Variants in ACTR3B observed in about 807,000 individuals in gnomAD.
The protein encoded by ACTR3B is actin-related protein 3B.
A neutral mutation model predicts 59.0 loss-of-function variants in ACTR3B; 8 were observed. That is an observed-to-expected ratio of 0.14 (90% confidence interval 0.08 to 0.24). ACTR3B has a LOEUF of 0.24. ACTR3B is among the 10% of genes least tolerant of loss of function. ACTR3B has a pLI of 1.00. For synonymous variants in ACTR3B, 148 were observed against 197.9 expected (o/e 0.75, Z 2.12); for missense variants, 245 against 552.3 (o/e 0.44, Z 5.58).
Position 152,759,801 on chromosome 7 carries a change from C to A in ACTR3B, c.-82C>A, listed in dbSNP as rs957287571. On this transcript the variant is annotated 5_prime_UTR_variant, in exon 1 of 12. Transcript: ENST00000256001. ...GCGGCGGCTCGCGGGAGACGCTGCG[C>A]GCGGGGCTAGCGGGCGGCGGAGCGG... 9.2e-6 allele frequency: 10 copies of A among 1,084,690 alleles called. No individual in the cohort carries two copies. Among genetic ancestry groups the A allele is most frequent in the African/African-American group, 3.3e-5 (2 of 60,084 alleles). 67.2% of individuals were successfully genotyped at this position (1,084,690 alleles called of 1,614,324 possible).
chr7:152,834,513 A>G (rs1797289485), intron 9 of ACTR3B, among the ~76,000 whole-genome samples: 2 of 152,376 alleles, frequency 1.3e-5, no homozygotes, highest in Admixed American at 6.5e-5. Flanking sequence ...GTAAATAGGT[A>G]GATAGATATG....
intron 7 of ACTR3B, among the ~76,000 whole-genome samples, chr7:152,821,473 A>G (rs1207051562): frequency 7.1e-5 from 9 of 126,120 alleles, no homozygotes; most frequent in African/African-American, 2.5e-4. Context: ...TTCAAAAAAG[A>G]AAAAAAAAAA....
At chr7:152,793,782 T>TA in intron 2 of ACTR3B, among the ~76,000 whole-genome samples, 1 of 151,938 alleles carries the variant, frequency 6.6e-6, no homozygotes, top group South Asian at 2.1e-4. Context: ...GGTATTATGT[T>TA]ATGAGGTTCT....
chr7:152,810,500 A>C (rs1280004215), intron 4 of ACTR3B, among the ~76,000 whole-genome samples: 1 of 150,668 alleles, frequency 6.6e-6, no homozygotes, highest in Non-Finnish European at 1.5e-5. Flanking sequence ...AGGTGCAGTC[A>C]TACAGCCACT....
chr7:152,784,386 G>T (rs1430141353), intron 2 of ACTR3B, among the ~76,000 whole-genome samples: 1 of 152,092 alleles, frequency 6.6e-6, no homozygotes, highest in East Asian at 1.9e-4. Flanking sequence ...GGTGAATGTG[G>T]GTATTCACAT....
intron 9 of ACTR3B, among the ~76,000 whole-genome samples, chr7:152,837,912 C>G (rs2907031): frequency 0.11 from 16,699 of 151,492 alleles, 873 homozygotes; most frequent in Non-Finnish European, 0.15. Context: ...TTTTCCTTTT[C>G]CTTGTATAAA....
In ACTR3B at chr7:152,780,158, T is replaced by C. The variant is rs2689489; in HGVS notation, c.45-3029T>C. 9.3e-3 allele frequency among the ~76,000 whole-genome samples: 1,415 copies of C among 151,912 alleles called. 26 individuals carry two copies. The highest frequency in any genetic ancestry group is 0.03 in the African/African-American group (1,254 of 41,384). On this transcript the variant is annotated intron_variant, in intron 1 of 11. Coordinates refer to ENST00000256001, the MANE Select transcript of ACTR3B (RefSeq NM_020445.6). ...ACAAGGTCAGGAGTTTGAGACCAGC[T>C]TGGCCAACATGGTGAAACCCCATCT...
Position 152,788,412 on chromosome 7 carries a change from T to A in ACTR3B, c.100+5170T>A, listed in dbSNP as rs2098181872. 1.9e-4 allele frequency among the ~76,000 whole-genome samples: 17 copies of A among 89,464 alleles called. No individual in the cohort carries two copies. In the South Asian group the frequency reaches 4.6e-3, roughly 24 times the overall value. The allele number at this position is 89,464 out of a possible 152,430, so 58.7% of individuals were successfully genotyped here. On this transcript the variant is annotated intron_variant, in intron 2 of 11. Coordinates refer to ENST00000256001, the MANE Select transcript of ACTR3B (RefSeq NM_020445.6). ...TCAGTAGTGTTCTAATGTTCTAAAG[T>A]TTTTTTTTTTTTTTTTTGAGATGGA...
chr7:152,791,142 C>T (rs2098194651), intron 2 of ACTR3B, among the ~76,000 whole-genome samples: 1 of 151,798 alleles, frequency 6.6e-6, no homozygotes, highest in East Asian at 1.9e-4. Context: ...TCCCAAGTAG[C>T]TGGGATTACT....
chr7:152,829,042 G>GTATATATATA (rs1246465902), intron 9 of ACTR3B, among the ~76,000 whole-genome samples: 4 of 143,884 alleles, frequency 2.8e-5, no homozygotes, highest in African/African-American at 1.1e-4. Flanking sequence ...TTGTGTGTGT[G>GTATATATATA]TGTATATATA....
At chr7:152,836,356 G>A (rs947766276) in intron 9 of ACTR3B, among the ~76,000 whole-genome samples, 5 of 151,846 alleles carry the variant, frequency 3.3e-5, no homozygotes, top group South Asian at 4.2e-4. Context: ...CCATCACTTC[G>A]GGAGGCCAAG....
At chr7:152,830,320 A>G (rs1032079065) in intron 9 of ACTR3B, among the ~76,000 whole-genome samples, 4 of 152,244 alleles carry the variant, frequency 2.6e-5, no homozygotes, top group Admixed American at 2.0e-4. Flanking sequence ...GGGTGGGGCC[A>G]GCAATAAAAT....
chr7:152,790,351 T>A (rs1284533819), intron 2 of ACTR3B, among the ~76,000 whole-genome samples: 1 of 152,242 alleles, frequency 6.6e-6, no homozygotes, highest in Non-Finnish European at 1.5e-5. Flanking sequence ...TTCTTTTCTT[T>A]TTTTTCTTCT....
At chr7:152,844,023 G>A (rs1798072471) in intron 9 of ACTR3B, among the ~76,000 whole-genome samples, 1 of 152,204 alleles carries the variant, frequency 6.6e-6, no homozygotes, top group Admixed American at 6.5e-5. Flanking sequence ...AATAAAGAGT[G>A]TATCACTTTT....
At position 152,795,299 on chromosome 7, in the gene ACTR3B, G is replaced by T. The variant is rs2098212457; in HGVS notation, c.101-5232G>T. On this transcript the variant is annotated intron_variant, in intron 2 of 11. Transcript: ENST00000256001. ...TGACCTCAGGTGATCTGCCCAACTT[G>T]GCCTCCCACAGTGCTGGGATTACAG... Among the ~76,000 whole-genome samples the T allele has an allele frequency of 5.9e-5, 9 of 152,144 alleles. No individual in the cohort carries two copies. The South Asian group carries it at 1.9e-3, about 32-fold the overall frequency.
intron 5 of ACTR3B, 70 bp downstream of exon 5, chr7:152,814,715 C>T (rs769049814): frequency 5.4e-6 from 7 of 1,291,194 alleles, no homozygotes; most frequent in Non-Finnish European, 7.6e-6. Context: ...TGGTATTTCC[C>T]AAGGTTCTCC....
At chr7:152,768,461 G>C (rs2098116202) in intron 1 of ACTR3B, among the ~76,000 whole-genome samples, 1 of 152,058 alleles carries the variant, frequency 6.6e-6, no homozygotes, top group Non-Finnish European at 1.5e-5. Flanking sequence ...TGGCCTAAGA[G>C]GGTTTGCGAA....
intron 1 of ACTR3B, among the ~76,000 whole-genome samples, chr7:152,772,530 G>GA (rs1163030267): frequency 6.6e-6 from 1 of 151,394 alleles, no homozygotes; most frequent in Non-Finnish European, 1.5e-5. Context: ...GGCTCAAAAG[G>GA]AAAAAACAAG....
chr7:152,825,146 C>A, intron 9 of ACTR3B, 24 bp downstream of exon 9: 1 of 1,604,092 alleles, frequency 6.2e-7, no homozygotes, highest in East Asian at 2.2e-5. Flanking sequence ...GGGTAAGGTA[C>A]TTTGATTTCA....
Sources: allele counts gnomAD v4.1 joint callset (sites outside exome capture counted in the v4.1 genomes callset), GRCh38; gene constraint gnomAD v4.1.1; transcripts MANE v1.5; gene names NCBI Gene and HGNC (gene_info 2026-07-23, HGNC 2026-07-21).